The following ZEB2 variants were observed in gnomAD, a reference collection of about 807,000 sequenced individuals.
ZEB2 encodes the protein zinc finger E-box binding homeobox 2, also known as zinc finger E-box-binding homeobox 2.
In ZEB2, 6 loss-of-function variants were observed where a neutral mutation model predicts 99.9. That is an observed-to-expected ratio of 0.06 (90% CI 0.03 to 0.12). The LOEUF is 0.12. ZEB2 is among the 10% of genes least tolerant of loss of function. The probability of loss-of-function intolerance (pLI) is 1.00; values close to 1 mark genes in which losing one functional copy is unlikely to be tolerated. For synonymous variants in ZEB2, 517 were observed against 542.5 expected (o/e 0.95, Z 0.65); for missense variants, 969 against 1,502.8 (o/e 0.64, Z 5.87).
Position 144,520,036 on chromosome 2 carries a change from AC to A in ZEB2, c.-168del, listed in dbSNP as rs1343915789. On this transcript the variant is annotated 5_prime_UTR_variant, in exon 1 of 10. Coordinates refer to ENST00000627532, the MANE Select transcript of ZEB2 (RefSeq NM_014795.4). ...GGGAGAAAAAGGTGGAAGCGAAGAA[AC>A]AGCTCCCGGAGCAAACTGTACAAAA... 1 of 454,536 alleles carries A rather than the reference AC, an allele frequency of 2.2e-6. No individual in the cohort carries two copies. The highest frequency in any genetic ancestry group is 2.3e-5 in the Admixed American group (1 of 42,572). 28.2% of individuals were successfully genotyped at this position (454,536 alleles called of 1,614,324 possible). A position where few individuals can be genotyped will look rare whatever the true frequency, so the allele number is the denominator to read the frequency against.
chr2:144,516,375 TTC>T (rs1047533642), intron 2 of ZEB2: 5 of 151,592 alleles, frequency 3.3e-5, no homozygotes, highest in East Asian at 2.0e-4. Context: ...CTCTCTCTGT[TTC>T]TCTCTGTCCC....
chr2:144,414,283 T>C (rs971784944), intron 4 of ZEB2, among the ~76,000 whole-genome samples: 1 of 152,218 alleles, frequency 6.6e-6, no homozygotes, highest in Middle Eastern at 3.2e-3. Context: ...TTGTGAGACA[T>C]GAACAGGACT....
intron 2 of ZEB2, among the ~76,000 whole-genome samples, chr2:144,487,804 G>C (rs1704619654): frequency 6.6e-6 from 1 of 152,112 alleles, no homozygotes; most frequent in Admixed American, 6.5e-5. Context: ...ACGGTAAAAA[G>C]TTATTCTGTG....
rs200769727 is a variant in ZEB2, at chr2:144,481,192, G to GA, written c.73+36085dup. On this transcript the variant is annotated intron_variant, in intron 2 of 9. Coordinates refer to ENST00000627532, the MANE Select transcript of ZEB2 (RefSeq NM_014795.4). ...AGAACTAATTGCTTCAGGCGCTTAT[G>GA]AAAAAATGTTTGCATTTGTGGCAGA... is the stretch of plus-strand genomic sequence containing the variant. Among the ~76,000 whole-genome samples the GA allele has an allele frequency of 5.0e-3, 762 of 152,266 alleles. 2 individuals carry two copies. The highest frequency in any genetic ancestry group is 8.0e-3 in the Non-Finnish European group (545 of 68,008).
At chr2:144,485,220 G>A (rs1704577383) in intron 2 of ZEB2, among the ~76,000 whole-genome samples, 1 of 152,104 alleles carries the variant, frequency 6.6e-6, no homozygotes, top group African/African-American at 2.4e-5. Flanking sequence ...TGAAATCCTG[G>A]TTCCTTCCAA....
rs1704408353 is a variant in ZEB2, at chr2:144,474,769, A to C, written c.73+42509T>G. On this transcript the variant is annotated intron_variant, in intron 2 of 9. Coordinates refer to ENST00000627532, the MANE Select transcript of ZEB2 (RefSeq NM_014795.4). ...TGACCATTCATTCATTACCCTCGTT[A>C]TTATTTGATGTTTAAGATTTCTTTT... Among the ~76,000 whole-genome samples the C allele has an allele frequency of 2.0e-5, 3 of 152,172 alleles. No homozygotes were observed. The South Asian group carries it at 6.2e-4, about 31-fold the overall frequency.
At chr2:144,452,774 G>A (rs934487884) in intron 2 of ZEB2, among the ~76,000 whole-genome samples, 1 of 152,104 alleles carries the variant, frequency 6.6e-6, no homozygotes, top group African/African-American at 2.4e-5. Flanking sequence ...CAGGCAGCGA[G>A]AAGGGCTTAC....
chr2:144,400,000 T>A lies in ZEB2; in HGVS notation c.1187A>T (p.Asp396Val). 6.2e-7 allele frequency: 1 copy of A among 1,614,194 alleles called. No homozygotes were observed. Among genetic ancestry groups the A allele is most frequent in the Non-Finnish European group, 8.5e-7 (1 of 1,180,026 alleles). The change falls in exon 8 of 10, where the codon GAC (aspartate) becomes GTC (valine). Residue 396 changes from aspartate to valine, a missense_variant. By Grantham distance (152) the Asp-to-Val change is radical (BLOSUM62 -3). Coordinates refer to ENST00000627532, the MANE Select transcript of ZEB2 (RefSeq NM_014795.4). The surrounding 1 kb of genome is among the most constrained non-coding windows in gnomAD (Gnocchi z 5.6). ...GLLKIKTEPL[D>V]FNDYKVLMAT... ...CATAAGAACTTTATAGTCATTGAAGTCTAGTGGTTCTGTTTTAATTTTAAG... is the reference window on the plus strand; with the variant it reads ...CATAAGAACTTTATAGTCATTGAAGACTAGTGGTTCTGTTTTAATTTTAAG...
chr2:144,517,825 T>A, intron 1 of ZEB2: 1 of 582,166 alleles, frequency 1.7e-6, no homozygotes, highest in Non-Finnish European at 3.1e-6. Context: ...TCATCTTTTC[T>A]CATCCCCCCA....
At chr2:144,517,112 C>CGCCGCGCGCGCCGGGCTCCGGCGCCG in intron 2 of ZEB2, among the ~76,000 whole-genome samples, 166 bp downstream of exon 2, 1 of 150,638 alleles carries the variant, frequency 6.6e-6, no homozygotes, top group South Asian at 2.1e-4. Context: ...CCGGTCCAGC[C>CGCCGCGCGCGCCGGGCTCCGGCGCCG]GCCGCGCGCG....
In ZEB2 at chr2:144,398,554, T is replaced by C; in HGVS notation, c.2633A>G (p.Lys878Arg). Residue 878 changes from lysine to arginine, a missense_variant, in exon 8 of 10, where the codon AAA (lysine) becomes AGA (arginine). Transcript: ENST00000627532. Reference sequence around the variant, plus strand: ...CATGCTGAACACTGGGTTAGTGCTTTTGTTGTCCAGATTATTTGAATTTGA... The same window carrying C: ...CATGCTGAACACTGGGTTAGTGCTTCTGTTGTCCAGATTATTTGAATTTGA... ...EFSNSNNLDN[K>R]STNPVFSMNP... 1 of 1,614,180 alleles carries C rather than the reference T, an allele frequency of 6.2e-7. No individual in the cohort carries two copies. The highest frequency in any genetic ancestry group is 1.3e-5 in the African/African-American group (1 of 75,066).
At chr2:144,393,865 T>C (rs915742665) in intron 9 of ZEB2, among the ~76,000 whole-genome samples, 45 of 152,330 alleles carry the variant, frequency 3.0e-4, no homozygotes, top group African/African-American at 9.9e-4. Flanking sequence ...AGCTCTCACA[T>C]CTTGAAGGAG....
At chr2:144,417,755 T>A (rs1164079902) in intron 4 of ZEB2, among the ~76,000 whole-genome samples, 2 of 152,144 alleles carry the variant, frequency 1.3e-5, no homozygotes, top group Admixed American at 1.3e-4. Context: ...GGAGAAATAG[T>A]TATGTTGGTC....
chr2:144,453,236 A>G (rs115862724), intron 2 of ZEB2, among the ~76,000 whole-genome samples: 51 of 152,344 alleles, frequency 3.3e-4, no homozygotes, highest in African/African-American at 1.2e-3. Context: ...GTTAGCTACC[A>G]AAGGATGTGA....
chr2:144,462,649 G>C (rs1704210771), intron 2 of ZEB2: 1 of 152,118 alleles, frequency 6.6e-6, no homozygotes, highest in Non-Finnish European at 1.5e-5. Flanking sequence ...TAAAGAAAAT[G>C]GAAACTGCAA....
intron 2 of ZEB2, among the ~76,000 whole-genome samples, chr2:144,452,289 TC>T (rs796084293): frequency 1.3e-5 from 2 of 152,092 alleles, no homozygotes; most frequent in South Asian, 2.1e-4. Flanking sequence ...ATGCCACAAA[TC>T]TGTATGATAA....
chr2:144,402,514 A>C (rs1201559919), intron 6 of ZEB2, among the ~76,000 whole-genome samples: 1 of 152,220 alleles, frequency 6.6e-6, no homozygotes, highest in African/African-American at 2.4e-5. Flanking sequence ...GTCTCCCCCC[A>C]CAGCCCTCAG....
chr2:144,497,143 GT>G (rs1351264857), intron 2 of ZEB2, among the ~76,000 whole-genome samples: 5 of 151,936 alleles, frequency 3.3e-5, no homozygotes, highest in African/African-American at 1.2e-4. Flanking sequence ...TGAAATCCAT[GT>G]TATATGACAA....
intron 2 of ZEB2, among the ~76,000 whole-genome samples, chr2:144,501,528 A>C (rs1442525157): frequency 6.6e-6 from 1 of 152,228 alleles, no homozygotes; most frequent in African/African-American, 2.4e-5. Flanking sequence ...CTTGTTACAA[A>C]ACATAACTAG....
Sources: allele counts gnomAD v4.1 joint callset (sites outside exome capture counted in the v4.1 genomes callset), GRCh38; gene constraint gnomAD v4.1.1; non-coding constraint Gnocchi (gnomAD v3.1); transcripts MANE v1.5; gene names NCBI Gene and HGNC (gene_info 2026-07-23, HGNC 2026-07-21).